The following DSC3 variants were observed in gnomAD, a reference collection of about 807,000 sequenced individuals.
DSC3 encodes the protein desmocollin-3.
A neutral mutation model predicts 89.5 loss-of-function variants in DSC3; 97 were observed. The ratio of observed to expected loss-of-function variants is 1.08; its 90% CI spans 0.92 to 1.28. The LOEUF (loss-of-function observed/expected upper bound fraction) is 1.28, where lower values mean the gene tolerates loss of function less well. DSC3 is among the 50% of genes most tolerant of loss of function. The probability of loss-of-function intolerance (pLI) is 0.00; values close to 1 mark genes in which losing one functional copy is unlikely to be tolerated. For synonymous variants in DSC3, 436 were observed against 384.1 expected (o/e 1.14, Z -1.58); for missense variants, 1,199 against 1,085.3 (o/e 1.10, Z -1.47).
intron 9 of DSC3, among the ~76,000 whole-genome samples, chr18:31,010,772 C>T (rs368136728): frequency 2.6e-5 from 4 of 152,108 alleles, no homozygotes; most frequent in Admixed American, 6.5e-5. Flanking sequence ...AGCCCATATG[C>T]GTCACTGCTG....
intron 4 of DSC3, among the ~76,000 whole-genome samples, chr18:31,027,562 A>C (rs944807219): frequency 4.0e-5 from 6 of 151,552 alleles, no homozygotes; most frequent in African/African-American, 1.5e-4. Flanking sequence ...GTGTTACAAA[A>C]TAAGATACAG....
rs1384493450 is a variant in DSC3 at position 31,031,130 on chromosome 18, G to A, written c.197C>T (p.Ser66Leu). 2.5e-6 allele frequency: 4 copies of A among 1,613,360 alleles called. No individual in the cohort carries two copies. Among genetic ancestry groups the A allele is most frequent in the Non-Finnish European group, 2.5e-6 (3 of 1,179,826 alleles). The change falls in exon 3 of 16, where the codon TCA (serine) becomes TTA (leucine). Residue 66 changes from serine (S) to leucine (L), a missense_variant. Ser to Leu is a moderately radical substitution (Grantham distance 145, BLOSUM62 -2). Coordinates refer to ENST00000360428, the MANE Select transcript of DSC3 (RefSeq NM_001941.5). ...TAGAACTCTGAAATCAGGATCACTT[G>A]ACCGGATGAGGTCTGCAGACCTGAA... The part of the protein sequence containing the change: ...ECFRSADLIR[S>L]SDPDFRVLND...
rs774552166 is a variant in DSC3, at chr18:30,997,046, G to A, written c.2238C>T (p.Cys746=). 2.5e-6 allele frequency: 4 copies of A among 1,614,020 alleles called. No homozygotes were observed. Residue 746 remains cysteine (C), a splice_region_variant and synonymous_variant, in exon 15 of 16, where the codon TGC becomes TGT. Transcript: ENST00000360428. ...TTTGGGTCATAAATCCATTGGCAGA[G>A]CACTGAAATAATAAAATGAAATAAT... is the stretch of plus-strand genomic sequence containing the variant. ...NTEAPGDDRV[C]SANGFMTQTT...
At position 31,003,883 on chromosome 18, in the gene DSC3, A is replaced by G. The variant is rs371289004; in HGVS notation, c.2113+259T>C. 6.6e-5 allele frequency among the ~76,000 whole-genome samples: 10 copies of G among 152,200 alleles called. No homozygotes were observed. In the East Asian group the frequency reaches 9.6e-4, roughly 15 times the overall value. ...GGAATAGCACTGGAACCAAGAAATA[A>G]AGACTATTTGTTTGTCAGATTCTGT... On this transcript the variant is annotated intron_variant, in intron 13 of 15. Coordinates refer to ENST00000360428, the MANE Select transcript of DSC3 (RefSeq NM_001941.5).
intron 1 of DSC3, among the ~76,000 whole-genome samples, chr18:31,033,437 C>A (rs777574090): frequency 3.9e-5 from 6 of 152,010 alleles, no homozygotes; most frequent in Non-Finnish European, 7.4e-5. Context: ...TGGAGTAGAA[C>A]TTAAATCCCA....
In DSC3 at chr18:31,006,887, C is replaced by A. The variant is rs772802549; in HGVS notation, c.1888+20G>T. 2 of 1,550,874 alleles carry A rather than the reference C, an allele frequency of 1.3e-6. No individual in the cohort carries two copies. The highest frequency in any genetic ancestry group is 2.3e-5 in the South Asian group (2 of 88,124). On this transcript the variant is annotated intron_variant, in intron 12 of 15. Transcript: ENST00000360428. The stretch of plus-strand genomic sequence containing the variant: ...TTCTGTTATTTCAGAGTTTATAAAT[C>A]ATTATTTTTTATTAAATACCATTAA...
At chr18:31,039,029 T>C (rs999701174) in intron 1 of DSC3, among the ~76,000 whole-genome samples, 2 of 152,116 alleles carry the variant, frequency 1.3e-5, no homozygotes, top group African/African-American at 2.4e-5. Context: ...GACACTAGTA[T>C]ATTAATGATG....
chr18:31,019,221 C>T (rs1985337976), intron 7 of DSC3, among the ~76,000 whole-genome samples: 1 of 151,950 alleles, frequency 6.6e-6, no homozygotes, highest in African/African-American at 2.4e-5. Context: ...CTCAGCCTCC[C>T]TAGTAGCTGG....
At chr18:31,008,671 CAG>C (rs1255632637) in intron 9 of DSC3, 146 bp from the exon 10 acceptor site, 52 of 1,092,910 alleles carry the variant, frequency 4.8e-5, no homozygotes, top group South Asian at 2.2e-4. Flanking sequence ...CCTTGCTAAA[CAG>C]AGAGTGGATC....
chr18:31,030,859 CAA>C (rs1985761693), intron 3 of DSC3, 112 bp downstream of exon 3: 1 of 994,530 alleles, frequency 1.0e-6, no homozygotes, highest in East Asian at 2.6e-5. Context: ...GGAAAGGAAA[CAA>C]AATGAAAACA....
rs201299977 is a variant in DSC3, at chr18:31,001,341, CA to C, written c.2235+276del. Reference sequence around the variant, plus strand: ...GGAAATATACATTGTAGAGTGCAGGCAAAAAAAACTATTGTTATAATAAATA... The same window carrying C: ...GGAAATATACATTGTAGAGTGCAGGCAAAAAAACTATTGTTATAATAAATA... On this transcript the variant is annotated intron_variant, in intron 14 of 15. Transcript: ENST00000360428. Among the ~76,000 whole-genome samples, 495 of 149,882 alleles carry C rather than the reference CA, an allele frequency of 3.3e-3. 25 individuals are homozygous for C. The East Asian group carries it at 0.077, about 23-fold the overall frequency.
chr18:31,038,698 C>A (rs1986043985), intron 1 of DSC3, among the ~76,000 whole-genome samples: 1 of 151,666 alleles, frequency 6.6e-6, no homozygotes, highest in African/African-American at 2.4e-5. Context: ...TTATAAATAC[C>A]AAAGATTACA....
At chr18:31,004,020 A>C (rs1439900773) in intron 13 of DSC3, 122 bp downstream of exon 13, 1 of 747,394 alleles carries the variant, frequency 1.3e-6, no homozygotes, top group African/African-American at 1.8e-5. Context: ...AATAATACAA[A>C]AGGAACTTGG....
chr18:31,034,603 G>A (rs1310481913), intron 1 of DSC3, among the ~76,000 whole-genome samples: 4 of 152,010 alleles, frequency 2.6e-5, no homozygotes, highest in Admixed American at 1.3e-4. Context: ...TTCACAATAG[G>A]CAAAAAGTGA....
Position 31,024,343 on chromosome 18 carries a change from A to C in DSC3, c.775+6T>G, listed in dbSNP as rs1255164556. On this transcript the variant is annotated splice_donor_region_variant and intron_variant, in intron 6 of 15. Transcript: ENST00000360428. ...TGATTCTTTTTATTCTTAAAAGCAG[A>C]CTTACCAGGTCTACTACTTTCCAAA... 2.5e-6 allele frequency: 4 copies of C among 1,576,832 alleles called. No homozygotes were observed. Among genetic ancestry groups the C allele is most frequent in the Non-Finnish European group, 2.6e-6 (3 of 1,161,288 alleles).
chr18:31,027,472 C>CTTCCTTCT (rs1156963582), intron 4 of DSC3, among the ~76,000 whole-genome samples: 316 of 150,566 alleles, frequency 2.1e-3, no homozygotes, highest in African/African-American at 7.5e-3. Context: ...GGTTTCCTTC[C>CTTCCTTCT]TTCCTTCCTT....
chr18:31,028,077 G>A lies in DSC3; in HGVS notation c.474+1432C>T, dbSNP rs539670641. On this transcript the variant is annotated intron_variant, in intron 4 of 15. Transcript: ENST00000360428. ...AGATAGTTTGGGCTGGAAATACAAAGTTTTAAGTATTCATGAAAAAAATAG... is the reference window on the plus strand; with the variant it reads ...AGATAGTTTGGGCTGGAAATACAAAATTTTAAGTATTCATGAAAAAAATAG... Among the ~76,000 whole-genome samples the A allele has an allele frequency of 4.6e-5, 7 of 152,126 alleles. No individual in the cohort carries two copies. The South Asian group carries it at 6.2e-4, about 14-fold the overall frequency.
intron 13 of DSC3, among the ~76,000 whole-genome samples, chr18:31,002,700 CAAAAA>C (rs78660458): frequency 1.1e-5 from 1 of 87,102 alleles, no homozygotes; most frequent in Admixed American, 1.3e-4. Flanking sequence ...AACTCTGCCT[CAAAAA>C]AAAAAAAAAA....
chr18:31,022,068 C>T (rs1985438179), intron 7 of DSC3, among the ~76,000 whole-genome samples: 1 of 151,902 alleles, frequency 6.6e-6, no homozygotes, highest in Non-Finnish European at 1.5e-5. Context: ...ACCAACTAGC[C>T]ACACATAAGA....
Sources: allele counts gnomAD v4.1 joint callset (sites outside exome capture counted in the v4.1 genomes callset), GRCh38; gene constraint gnomAD v4.1.1; transcripts MANE v1.5; gene names NCBI Gene and HGNC (gene_info 2026-07-23, HGNC 2026-07-21).